The following CFAP221 variants were observed in gnomAD, a reference collection of about 807,000 sequenced individuals.
CFAP221 encodes cilia and flagella associated protein 221.
Under a neutral mutation model 113.1 loss-of-function variants are expected in CFAP221, and 97 were observed. The observed-to-expected ratio is 0.86, with a 90% CI of 0.73 to 1.02. The LOEUF (loss-of-function observed/expected upper bound fraction) is 1.02, where lower values mean the gene tolerates loss of function less well. Among genes scored for constraint, CFAP221 ranks in the 50% least tolerant of loss-of-function variants. CFAP221 has a pLI of 0.00. For missense variants in CFAP221, 1,025 were observed against 1,013.4 expected, an observed-to-expected ratio of 1.01 and a Z score of -0.16; for synonymous variants, 331 against 354.4, an observed-to-expected ratio of 0.93 and a Z score of 0.74.
intron 6 of CFAP221, among the ~76,000 whole-genome samples, chr2:119,571,640 T>C (rs1286561785): frequency 6.6e-6 from 1 of 151,970 alleles, no homozygotes; most frequent in Non-Finnish European, 1.5e-5. Flanking sequence ...TATTTTTTGG[T>C]GGAGATGGGA....
chr2:119,592,261 A>G (rs1683649557), intron 7 of CFAP221, among the ~76,000 whole-genome samples: 1 of 152,252 alleles, frequency 6.6e-6, no homozygotes, highest in Admixed American at 6.5e-5. Flanking sequence ...AAGTGAAGCT[A>G]AAAGGAATTG....
At chr2:119,561,758 T>G (rs1034326373) in intron 5 of CFAP221, among the ~76,000 whole-genome samples, 5 of 152,206 alleles carry the variant, frequency 3.3e-5, no homozygotes, top group Non-Finnish European at 7.3e-5. Flanking sequence ...TGTCTTCATA[T>G]CTCTATGAGG....
intron 3 of CFAP221, among the ~76,000 whole-genome samples, chr2:119,552,902 C>A (rs1453039996): frequency 1.3e-5 from 2 of 151,810 alleles, no homozygotes; most frequent in Non-Finnish European, 2.9e-5. Flanking sequence ...TTATCTCTAA[C>A]GAAGTTGTAC....
chr2:119,579,149 A>C (rs1009288435), intron 6 of CFAP221, among the ~76,000 whole-genome samples: 124 of 152,158 alleles, frequency 8.1e-4, no homozygotes, highest in Non-Finnish European at 5.9e-5. Flanking sequence ...ATGTTTAAAT[A>C]ATAAGGTAAG....
At chr2:119,589,517 A>G (rs981111681) in intron 7 of CFAP221, 5 of 152,352 alleles carry the variant, frequency 3.3e-5, no homozygotes, top group African/African-American at 1.2e-4. Context: ...ATTTGTAGAC[A>G]CTGTTTCAAG....
intron 8 of CFAP221, 48 bp from the exon 9 acceptor site, chr2:119,604,624 T>C: frequency 6.8e-7 from 1 of 1,469,692 alleles, no homozygotes. Flanking sequence ...ATTAGGAACC[T>C]TGAGTTAATG....
intron 22 of CFAP221, among the ~76,000 whole-genome samples, chr2:119,650,468 ACTC>A (rs963950833): frequency 6.6e-6 from 1 of 152,088 alleles, no homozygotes; most frequent in African/African-American, 2.4e-5. Flanking sequence ...AACATACCCA[ACTC>A]CTCCTCCATT....
chr2:119,628,559 C>CACAAATTCACAT (rs1411601837), intron 16 of CFAP221, among the ~76,000 whole-genome samples: 2 of 152,128 alleles, frequency 1.3e-5, no homozygotes, highest in Non-Finnish European at 2.9e-5. Context: ...TTCACATAGC[C>CACAAATTCACAT]AGTAACAAAA....
downstream of CFAP221, among the ~76,000 whole-genome samples, chr2:119,657,203 G>A (rs1220896235): frequency 6.6e-6 from 1 of 152,194 alleles, no homozygotes; most frequent in Non-Finnish European, 1.5e-5. Context: ...ATATTTGGAT[G>A]TATTCCCTCC....
In CFAP221 at chr2:119,641,767, C is replaced by T. The variant is rs186507365; in HGVS notation, c.2225+1895C>T. Among the ~76,000 whole-genome samples the T allele has an allele frequency of 7.4e-3, 1,131 of 152,292 alleles. 10 individuals carry two copies. Among genetic ancestry groups the T allele is most frequent in the Non-Finnish European group, 0.011 (778 of 68,018 alleles). ...CCATCGCCACCAGATGGCGATAGTC[C>T]GTCACCACATTGACAGACTGCCTCA... On this transcript the variant is annotated intron_variant, in intron 21 of 23. Transcript: ENST00000413369.
chr2:119,648,864 G>A (rs527314873), intron 22 of CFAP221, among the ~76,000 whole-genome samples: 23 of 152,176 alleles, frequency 1.5e-4, no homozygotes, highest in African/African-American at 5.3e-4. Flanking sequence ...ATGCTCCTGC[G>A]TGCTTCTGTT....
chr2:119,638,068 CTA>C (rs973439407), intron 19 of CFAP221, 189 bp from the exon 20 acceptor site: 12 of 423,604 alleles, frequency 2.8e-5, no homozygotes, highest in Non-Finnish European at 5.0e-5. Context: ...TTATGAATGA[CTA>C]TGATTTTTTA....
At chr2:119,649,288 T>C (rs1379935913) in intron 22 of CFAP221, among the ~76,000 whole-genome samples, 1 of 152,226 alleles carries the variant, frequency 6.6e-6, no homozygotes, top group Non-Finnish European at 1.5e-5. Flanking sequence ...CCTCGACTTA[T>C]GATGAGGTTC....
intron 2 of CFAP221, among the ~76,000 whole-genome samples, chr2:119,546,563 C>T (rs1032226394): frequency 2.0e-5 from 3 of 152,154 alleles, no homozygotes; most frequent in Non-Finnish European, 4.4e-5. Context: ...GACTCCTCCC[C>T]CACCACATTC....
chr2:119,650,381 G>A (rs562044401), intron 22 of CFAP221, among the ~76,000 whole-genome samples: 2 of 152,340 alleles, frequency 1.3e-5, no homozygotes, highest in African/African-American at 4.8e-5. Context: ...TGAGAGGACT[G>A]CAGCCAGGGT....
At chr2:119,628,294 G>GTGTGTGTAT (rs371675389) in intron 16 of CFAP221, among the ~76,000 whole-genome samples, 1 of 137,490 alleles carries the variant, frequency 7.3e-6, no homozygotes, top group African/African-American at 2.8e-5. Flanking sequence ...CTCTCTGGGG[G>GTGTGTGTAT]GTGTGTGTGT....
Position 119,656,429 on chromosome 2 carries a change from C to G in CFAP221, c.2482C>G (p.Leu828Val), listed in dbSNP as rs754798379. Residue 828 changes from leucine to valine, a missense_variant, in exon 24 of 24, where the codon CTG becomes GTG. Leu to Val is a conservative substitution (Grantham distance 32). Transcript: ENST00000413369. ...GEKLLEEMRN[L>V]RGKALNTYLI... ...GAAGCTGCTCGAGGAGATGAGGAAC[C>G]TGCGGGGCAAAGCACTCAACACATA... The G allele has an allele frequency of 3.7e-6, 6 of 1,614,036 alleles. No individual in the cohort carries two copies. Among genetic ancestry groups the G allele is most frequent in the East Asian group, 2.2e-5 (1 of 44,866 alleles).
chr2:119,625,827 A>G, intron 15 of CFAP221, 139 bp downstream of exon 15: 2 of 659,232 alleles, frequency 3.0e-6, no homozygotes, highest in East Asian at 5.6e-5. Flanking sequence ...CCTTGCTATA[A>G]CAAATCACTT....
chr2:119,570,429 G>A (rs552994460), intron 6 of CFAP221, among the ~76,000 whole-genome samples: 3 of 152,246 alleles, frequency 2.0e-5, no homozygotes, highest in Non-Finnish European at 2.9e-5. Flanking sequence ...TAAAATGTAC[G>A]ATTCACTCTT....
Sources: allele counts gnomAD v4.1 joint callset (sites outside exome capture counted in the v4.1 genomes callset), GRCh38; gene constraint gnomAD v4.1.1; transcripts MANE v1.5; gene names NCBI Gene and HGNC (gene_info 2026-07-23, HGNC 2026-07-21).